Variants in GPC6 observed in about 807,000 individuals in gnomAD.
GPC6 encodes glypican 6.
In GPC6, 14 loss-of-function variants were observed where a neutral mutation model predicts 55.2. That is an observed-to-expected ratio of 0.25 (90% confidence interval 0.17 to 0.40). The LOEUF (loss-of-function observed/expected upper bound fraction) is 0.40, where lower values mean the gene tolerates loss of function less well. GPC6 is among the 10% of genes least tolerant of loss of function. GPC6 has a pLI of 1.00. For missense variants in GPC6, 641 were observed against 708.5 expected, an observed-to-expected ratio of 0.90 and a Z score of 1.08; for synonymous variants, 278 against 259.6, an observed-to-expected ratio of 1.07 and a Z score of -0.68.
intron 4 of GPC6, among the ~76,000 whole-genome samples, chr13:94,093,468 A>AT (rs1417161555): frequency 6.6e-6 from 1 of 151,906 alleles, no homozygotes; most frequent in African/African-American, 2.4e-5. Context: ...TTACGTATCT[A>AT]TTTTTGTGGT....
chr13:93,401,072 T>A (rs1876053598), intron 1 of GPC6, among the ~76,000 whole-genome samples: 2 of 152,138 alleles, frequency 1.3e-5, no homozygotes, highest in Admixed American at 1.3e-4. Context: ...TAGCATAATA[T>A]AAGTTGAAAT....
chr13:93,570,649 T>A (rs906544060), intron 2 of GPC6, among the ~76,000 whole-genome samples: 1 of 152,172 alleles, frequency 6.6e-6, no homozygotes, highest in African/African-American at 2.4e-5. Context: ...AGTGAGTAGA[T>A]ATCACAGGAA....
At chr13:93,867,896 T>C (rs999546058) in intron 3 of GPC6, among the ~76,000 whole-genome samples, 5 of 151,656 alleles carry the variant, frequency 3.3e-5, no homozygotes, top group African/African-American at 1.2e-4. Flanking sequence ...GGGACCCAGG[T>C]CCAAAGCCTG....
At chr13:94,017,015 A>G (rs1414487167) in intron 3 of GPC6, among the ~76,000 whole-genome samples, 3 of 151,950 alleles carry the variant, frequency 2.0e-5, no homozygotes, top group Non-Finnish European at 4.4e-5. Flanking sequence ...TTGTATTTTT[A>G]GTAGAGATGG....
intron 5 of GPC6, among the ~76,000 whole-genome samples, chr13:94,298,749 A>G (rs1353936602): frequency 6.6e-6 from 1 of 152,236 alleles, no homozygotes; most frequent in East Asian, 1.9e-4. Context: ...AGCCCAGTAA[A>G]TGTAGTAAAG....
intron 3 of GPC6, among the ~76,000 whole-genome samples, chr13:93,988,648 C>G (rs182087388): frequency 1.3e-5 from 2 of 152,130 alleles, no homozygotes; most frequent in Admixed American, 6.5e-5. Context: ...TCTGGGGTCT[C>G]TTTTACAAGG....
chr13:94,271,807 A>C (rs72647613), intron 4 of GPC6, among the ~76,000 whole-genome samples: 12,562 of 151,240 alleles, frequency 0.083, 710 homozygotes, highest in Middle Eastern at 0.14. Context: ...CTGGAAAGTG[A>C]TCTTTATCTT....
At chr13:93,458,183 G>C (rs1400858457) in intron 1 of GPC6, among the ~76,000 whole-genome samples, 1 of 152,128 alleles carries the variant, frequency 6.6e-6, no homozygotes, top group African/African-American at 2.4e-5. Context: ...TAACACAATA[G>C]GACTGTGATC....
intron 4 of GPC6, among the ~76,000 whole-genome samples, chr13:94,280,942 C>T (rs569968082): frequency 6.6e-5 from 10 of 152,130 alleles, no homozygotes; most frequent in African/African-American, 2.2e-4. Context: ...ATTCAAATTT[C>T]CCCCAAAAGA....
At chr13:93,631,039 G>A (rs967191218) in intron 2 of GPC6, among the ~76,000 whole-genome samples, 3 of 152,188 alleles carry the variant, frequency 2.0e-5, no homozygotes, top group South Asian at 2.1e-4. Flanking sequence ...GAAGTTACAC[G>A]GAGAGGTGGC....
chr13:94,383,091 G>T (rs1479760741), intron 7 of GPC6, among the ~76,000 whole-genome samples: 1 of 152,156 alleles, frequency 6.6e-6, no homozygotes, highest in Non-Finnish European at 1.5e-5. Context: ...ACAAGAGACA[G>T]CAGTTTTCAT....
At position 93,982,341 on chromosome 13, in the gene GPC6, T is replaced by A. The variant is rs527622727; in HGVS notation, c.712-45388T>A. On this transcript the variant is annotated intron_variant, in intron 3 of 8. Transcript: ENST00000377047. ...AAAGACATAAGCAATCCTAATACAA[T>A]GTGATTAGTCCCAGATGTCTGGACA... Among the ~76,000 whole-genome samples the A allele has an allele frequency of 1.4e-4, 22 of 152,154 alleles. 1 individual carries two copies. The South Asian group carries it at 4.1e-3, about 29-fold the overall frequency.
At chr13:93,506,267 A>C (rs1459181646) in intron 1 of GPC6, among the ~76,000 whole-genome samples, 1 of 152,182 alleles carries the variant, frequency 6.6e-6, no homozygotes, top group Non-Finnish European at 1.5e-5. Flanking sequence ...GAGGATTTGC[A>C]AAATTTGAGG....
rs1408583674 is a variant in GPC6 at position 94,375,367 on chromosome 13, T to C, written c.1153-7047T>C. Among the ~76,000 whole-genome samples the C allele has an allele frequency of 2.6e-5, 4 of 151,878 alleles. No homozygotes were observed. The East Asian group carries it at 7.7e-4, about 29-fold the overall frequency. ...ACACAATAAAAAAATAAGGGGGATA[T>C]CACCACCGATCCCACAGAAATACAA... On this transcript the variant is annotated intron_variant, in intron 6 of 8. Coordinates refer to ENST00000377047, the MANE Select transcript of GPC6 (RefSeq NM_005708.5).
intron 3 of GPC6, among the ~76,000 whole-genome samples, chr13:93,968,854 G>A (rs1207255617): frequency 2.0e-5 from 3 of 152,072 alleles, no homozygotes; most frequent in African/African-American, 4.8e-5. Context: ...ATGCTGTACT[G>A]TCAAGGATCA....
At chr13:94,253,118 T>C (rs1891408010) in intron 4 of GPC6, among the ~76,000 whole-genome samples, 1 of 151,998 alleles carries the variant, frequency 6.6e-6, no homozygotes, top group Non-Finnish European at 1.5e-5. Context: ...ATGTAGAGAG[T>C]ATATGTAAGA....
At chr13:93,476,281 C>G (rs565561664) in intron 1 of GPC6, among the ~76,000 whole-genome samples, 1 of 151,570 alleles carries the variant, frequency 6.6e-6, no homozygotes, top group African/African-American at 2.4e-5. Context: ...TGTGTGTGTG[C>G]GTGTCTGTGT....
In GPC6 at chr13:93,421,414, T is replaced by TA. The variant is rs145943821; in HGVS notation, c.161-123841dup. 7.8e-4 allele frequency among the ~76,000 whole-genome samples: 119 copies of TA among 152,044 alleles called. 2 individuals are homozygous for TA. Among genetic ancestry groups the TA allele is most frequent in the Middle Eastern group, 6.8e-3 (2 of 294 alleles). On this transcript the variant is annotated intron_variant, in intron 1 of 8. Transcript: ENST00000377047. ...TTTTAGCATTATTGTTATTTTGTTT[T>TA]AAAAAAAACATTCTTAATGATAATT...
At chr13:93,940,584 T>C (rs1475691672) in intron 3 of GPC6, among the ~76,000 whole-genome samples, 1 of 152,184 alleles carries the variant, frequency 6.6e-6, no homozygotes, top group African/African-American at 2.4e-5. Context: ...GGAACTGTTA[T>C]AGATTTAAAG....
Sources: allele counts gnomAD v4.1 joint callset (sites outside exome capture counted in the v4.1 genomes callset), GRCh38; gene constraint gnomAD v4.1.1; transcripts MANE v1.5; gene names NCBI Gene and HGNC (gene_info 2026-07-23, HGNC 2026-07-21).